Variants in DCLK1 observed in about 807,000 individuals in gnomAD.
DCLK1 encodes the protein serine/threonine-protein kinase DCLK1.
Under a neutral mutation model 86.2 loss-of-function variants are expected in DCLK1, and 16 were observed. The observed-to-expected ratio is 0.19, with a 90% CI of 0.13 to 0.28. The LOEUF (loss-of-function observed/expected upper bound fraction) is 0.28, where lower values mean the gene tolerates loss of function less well. DCLK1 is among the 10% of genes least tolerant of loss of function. The probability of loss-of-function intolerance (pLI) is 1.00; values close to 1 mark genes in which losing one functional copy is unlikely to be tolerated. For synonymous variants in DCLK1, 369 were observed against 370.5 expected (o/e 1.00, Z 0.05); for missense variants, 590 against 940.2 (o/e 0.63, Z 4.87).
At chr13:36,092,127 G>T (rs570852374) in intron 3 of DCLK1, among the ~76,000 whole-genome samples, 1 of 152,188 alleles carries the variant, frequency 6.6e-6, no homozygotes, top group African/African-American at 2.4e-5. Context: ...CTATGATACT[G>T]TTGACCATAT....
intron 3 of DCLK1, among the ~76,000 whole-genome samples, chr13:36,065,343 G>C (rs927943715): frequency 6.6e-6 from 1 of 152,098 alleles, no homozygotes; most frequent in African/African-American, 2.4e-5. Context: ...AATGTTAGCT[G>C]GTATTCCAGT....
At chr13:35,953,525 G>A (rs1877816681) in intron 3 of DCLK1, among the ~76,000 whole-genome samples, 2 of 152,220 alleles carry the variant, frequency 1.3e-5, no homozygotes, top group African/African-American at 4.8e-5. Context: ...CTCTTTATGT[G>A]AAATCTGAAT....
intron 3 of DCLK1, among the ~76,000 whole-genome samples, chr13:36,097,040 G>A (rs7327892): frequency 0.067 from 10,064 of 151,000 alleles, 511 homozygotes; most frequent in African/African-American, 0.14. Context: ...TAGTCAAACC[G>A]AGCTGGAGAG....
chr13:36,099,157 G>A (rs1383332970), intron 3 of DCLK1, among the ~76,000 whole-genome samples: 5 of 151,824 alleles, frequency 3.3e-5, no homozygotes, highest in Admixed American at 6.6e-5. Context: ...TAGTAGAGAC[G>A]GGGTTTCACC....
chr13:35,780,237 T>C (rs2086502288), intron 16 of DCLK1, among the ~76,000 whole-genome samples: 1 of 152,328 alleles, frequency 6.6e-6, no homozygotes, highest in South Asian at 2.1e-4. Context: ...ATTAAGTATG[T>C]CCTCAGGTAT....
intron 3 of DCLK1, among the ~76,000 whole-genome samples, chr13:35,957,006 G>T (rs1290037474): frequency 6.9e-6 from 1 of 144,894 alleles, no homozygotes; most frequent in Admixed American, 7.2e-5. Flanking sequence ...TCTTGTATCA[G>T]TTTATTGTAT....
intron 4 of DCLK1, among the ~76,000 whole-genome samples, chr13:35,924,459 G>C (rs534563302): frequency 1.3e-5 from 2 of 152,234 alleles, no homozygotes; most frequent in East Asian, 3.9e-4. Flanking sequence ...AGATCAGTCT[G>C]TCCAACATGG....
chr13:35,877,694 T>C (rs950218365), intron 4 of DCLK1, among the ~76,000 whole-genome samples: 4 of 152,220 alleles, frequency 2.6e-5, no homozygotes, highest in African/African-American at 9.6e-5. Flanking sequence ...GACAAGTTCA[T>C]CTAGAAGAAA....
At position 36,106,959 on chromosome 13, in the gene DCLK1, A is replaced by G. The variant is rs546199465; in HGVS notation, c.723+4910T>C. 1.2e-3 allele frequency among the ~76,000 whole-genome samples: 178 copies of G among 152,310 alleles called. 1 individual carries two copies. Among genetic ancestry groups the G allele is most frequent in the African/African-American group, 4.1e-3 (171 of 41,574 alleles). On this transcript the variant is annotated intron_variant, in intron 3 of 16. Transcript: ENST00000360631. ...TTAGATATTAAAGGCCAAAAAGAAG[A>G]AAATAAAGACCATTTTGTGATATCT... is the stretch of plus-strand genomic sequence containing the variant.
intron 4 of DCLK1, among the ~76,000 whole-genome samples, chr13:35,931,832 G>T (rs796137637): frequency 1.3e-5 from 2 of 152,098 alleles, no homozygotes; most frequent in Non-Finnish European, 2.9e-5. Flanking sequence ...CTACATTCAT[G>T]GTACCCTGAT....
intron 3 of DCLK1, among the ~76,000 whole-genome samples, chr13:36,055,507 T>A (rs1883269146): frequency 1.3e-5 from 2 of 152,184 alleles, no homozygotes; most frequent in Admixed American, 1.3e-4. Flanking sequence ...TTTCATTCCT[T>A]TTGGAGATTT....
chr13:35,932,204 T>A (rs1029649431), intron 4 of DCLK1, among the ~76,000 whole-genome samples: 2 of 152,150 alleles, frequency 1.3e-5, no homozygotes, highest in Admixed American at 6.5e-5. Context: ...TCCTTCTGTC[T>A]CACTGCTTGA....
chr13:35,867,260 C>T (rs74046111), intron 5 of DCLK1, among the ~76,000 whole-genome samples: 11,364 of 152,214 alleles, frequency 0.075, 493 homozygotes, highest in Middle Eastern at 0.11. Context: ...GGTCAAAATG[C>T]AGCAAGTTGA....
At position 35,891,041 on chromosome 13, in the gene DCLK1, G is replaced by A. The variant is rs115891557; in HGVS notation, c.824-19701C>T. 3.0e-3 allele frequency among the ~76,000 whole-genome samples: 449 copies of A among 151,662 alleles called. 1 individual carries two copies. Among genetic ancestry groups the A allele is most frequent in the African/African-American group, 0.01 (423 of 41,380 alleles). On this transcript the variant is annotated intron_variant, in intron 4 of 16. Transcript: ENST00000360631. ...TATAGAATTGTTTTATATTCTGATT[G>A]GCCAATCTGTTCTTTTATATGCTCT... is the stretch of plus-strand genomic sequence containing the variant.
chr13:36,104,133 G>C (rs1415766084), intron 3 of DCLK1, among the ~76,000 whole-genome samples: 1 of 152,222 alleles, frequency 6.6e-6, no homozygotes, highest in African/African-American at 2.4e-5. Context: ...TGGCCACGCT[G>C]CAGAGGGCAC....
At chr13:35,935,319 T>C (rs1171093) in intron 4 of DCLK1, among the ~76,000 whole-genome samples, 114,257 of 151,958 alleles carry the variant, frequency 0.75, 43,111 homozygotes, top group Admixed American at 0.82. Context: ...TCAGGAGGAT[T>C]AATCGGGTTC....
At chr13:35,790,415 T>C (rs1377803409) in intron 16 of DCLK1, among the ~76,000 whole-genome samples, 3 of 152,188 alleles carry the variant, frequency 2.0e-5, no homozygotes, top group Admixed American at 1.3e-4. Context: ...AAATTAATTA[T>C]TTAATTGTTG....
rs1878273466 is a variant in DCLK1 at position 35,958,504 on chromosome 13, C to T, written c.724-11047G>A. ...TCACCACCACTACCACCACCATCAC[C>T]ACTACTGTACCACCAACAGCAGTAT... On this transcript the variant is annotated intron_variant, in intron 3 of 16. Transcript: ENST00000360631. Among the ~76,000 whole-genome samples, 2 of 150,990 alleles carry T rather than the reference C, an allele frequency of 1.3e-5. 1 individual carries two copies. Among genetic ancestry groups the T allele is most frequent in the Non-Finnish European group, 2.9e-5 (2 of 67,836 alleles).
chr13:36,043,902 C>T (rs1360276131), intron 3 of DCLK1, among the ~76,000 whole-genome samples: 1 of 152,136 alleles, frequency 6.6e-6, no homozygotes, highest in Non-Finnish European at 1.5e-5. Context: ...ATACATTCCC[C>T]AAAAACTAGA....
Sources: gnomAD v4.1 joint callset for allele counts (sites outside exome capture counted in the v4.1 genomes callset) on GRCh38, gnomAD v4.1.1 for gene constraint, MANE v1.5 for transcripts, NCBI Gene and HGNC (gene_info 2026-07-23, HGNC 2026-07-21) for gene names.